Variants in TUSC3 observed in about 807,000 individuals in gnomAD.
The protein encoded by TUSC3 is dolichyl-diphosphooligosaccharide--protein glycosyltransferase subunit TUSC3.
Under a neutral mutation model 44.8 loss-of-function variants are expected in TUSC3, and 45 were observed. The observed-to-expected ratio is 1.00, with a 90% CI of 0.79 to 1.29. The LOEUF (loss-of-function observed/expected upper bound fraction) is 1.29. TUSC3 is among the 50% of genes most tolerant of loss of function. TUSC3 has a pLI of 0.00. For synonymous variants in TUSC3, 212 were observed against 152.9 expected, an observed-to-expected ratio of 1.39 and a Z score of -2.85; for missense variants, 519 against 437.9, an observed-to-expected ratio of 1.19 and a Z score of -1.65.
chr8:15,497,546 A>G (rs1330867896), intron 2 of TUSC3, among the ~76,000 whole-genome samples: 1 of 152,094 alleles, frequency 6.6e-6, no homozygotes, highest in South Asian at 2.1e-4. Context: ...AATTCTTCGG[A>G]GGGGTGGCAT....
the TUSC3 span, among the ~76,000 whole-genome samples, chr8:15,839,606 G>A: frequency 1.3e-5 from 2 of 152,196 alleles, no homozygotes; most frequent in Non-Finnish European, 2.9e-5. Context: ...CATTTATGCA[G>A]CCAACAGATA....
intron 1 of TUSC3, among the ~76,000 whole-genome samples, chr8:15,601,351 G>A (rs1804282281): frequency 6.6e-6 from 1 of 151,612 alleles, no homozygotes; most frequent in Non-Finnish European, 1.5e-5. Flanking sequence ...AGTAGAAATG[G>A]AAGGCCCAAG....
intron 2 of TUSC3, among the ~76,000 whole-genome samples, chr8:15,484,465 T>A (rs1175756334): frequency 1.3e-5 from 2 of 152,262 alleles, no homozygotes; most frequent in Admixed American, 1.3e-4. Flanking sequence ...GCCAGCACAG[T>A]GTAGGACATA....
intron 1 of TUSC3, among the ~76,000 whole-genome samples, chr8:15,420,350 T>G (rs1799723361): frequency 6.6e-6 from 1 of 151,796 alleles, no homozygotes; most frequent in African/African-American, 2.4e-5. Flanking sequence ...TAAAAAAAAA[T>G]TAGCCGGGCA....
intron 1 of TUSC3, among the ~76,000 whole-genome samples, chr8:15,549,322 C>T (rs760962544): frequency 1.2e-4 from 18 of 151,494 alleles, no homozygotes; most frequent in Non-Finnish European, 2.2e-4. Flanking sequence ...TACAGGCGCA[C>T]GCCACCACAT....
the TUSC3 span, among the ~76,000 whole-genome samples, chr8:15,836,215 C>G: frequency 1.3e-5 from 2 of 151,696 alleles, no homozygotes; most frequent in Non-Finnish European, 2.9e-5. Context: ...GTAGTACATG[C>G]CTGTAATCCC....
chr8:15,650,681 C>G lies in TUSC3; in HGVS notation c.309-16C>G, dbSNP rs748621047. On this transcript the variant is annotated splice_polypyrimidine_tract_variant and intron_variant, in intron 2 of 10. Coordinates refer to ENST00000503731, the MANE Select transcript of TUSC3 (RefSeq NM_006765.4). ...AGTACTGATGTGTTTCTACTATGGC[C>G]CATTATTCTTATCAGGCAAGCTAAT... 5 of 1,607,036 alleles carry G rather than the reference C, an allele frequency of 3.1e-6. No homozygotes were observed. Among genetic ancestry groups the G allele is most frequent in the African/African-American group, 1.3e-5 (1 of 74,756 alleles).
At chr8:15,499,636 T>G (rs1000952406) in intron 2 of TUSC3, among the ~76,000 whole-genome samples, 4 of 152,212 alleles carry the variant, frequency 2.6e-5, no homozygotes, top group African/African-American at 9.6e-5. Context: ...TCAACTTCAC[T>G]GGTCCACGGG....
At position 15,510,618 on chromosome 8, in the gene TUSC3, C is replaced by G. The variant is rs528942671; in HGVS notation, n.189+27135C>G. Among the ~76,000 whole-genome samples, 14 of 152,168 alleles carry G rather than the reference C, an allele frequency of 9.2e-5. No individual in the cohort carries two copies. In the East Asian group the frequency reaches 1.7e-3, roughly 19 times the overall value. The stretch of plus-strand genomic sequence containing the variant: ...AAAAACCTTCCCACACAGAAAACTC[C>G]AGGCCCAGATGGCTCTCTTGATAAA... On this transcript the variant is annotated intron_variant and non_coding_transcript_variant, in intron 2 of 5. Coordinates refer to the TUSC3 transcript ENST00000503191.
intron 6 of TUSC3, among the ~76,000 whole-genome samples, chr8:15,713,865 G>A (rs568031579): frequency 6.6e-6 from 1 of 152,224 alleles, no homozygotes; most frequent in East Asian, 1.9e-4. Flanking sequence ...GCCTCTAACA[G>A]AGCAATAATA....
the TUSC3 span, among the ~76,000 whole-genome samples, chr8:15,811,772 G>C: frequency 6.6e-6 from 1 of 152,126 alleles, no homozygotes; most frequent in Non-Finnish European, 1.5e-5. Context: ...ATATAGTAAA[G>C]GTTAAAAGAA....
intron 1 of TUSC3, among the ~76,000 whole-genome samples, chr8:15,457,267 G>A (rs1471563340): frequency 1.3e-5 from 2 of 151,868 alleles, no homozygotes; most frequent in Non-Finnish European, 2.9e-5. Flanking sequence ...GTATACATAT[G>A]TAACAAACCT....
chr8:15,786,941 CA>C, the TUSC3 span, among the ~76,000 whole-genome samples: 18,041 of 62,746 alleles, frequency 0.29, 672 homozygotes, highest in East Asian at 0.39. Flanking sequence ...GAGACTCCAT[CA>C]AAAAAAAAAA....
At chr8:15,682,078 C>T (rs546555088) in intron 6 of TUSC3, among the ~76,000 whole-genome samples, 2 of 152,032 alleles carry the variant, frequency 1.3e-5, no homozygotes, top group Non-Finnish European at 1.5e-5. Context: ...TACTTTGTGA[C>T]CAAGGATGTG....
intron 1 of TUSC3, among the ~76,000 whole-genome samples, chr8:15,476,860 A>T (rs562308630): frequency 6.6e-6 from 1 of 152,342 alleles, no homozygotes; most frequent in South Asian, 2.1e-4. Flanking sequence ...AAAGTTTTTC[A>T]CAACCAATGA....
chr8:15,610,002 T>C (rs922102656), intron 1 of TUSC3, among the ~76,000 whole-genome samples: 2 of 152,160 alleles, frequency 1.3e-5, no homozygotes, highest in Non-Finnish European at 2.9e-5. Flanking sequence ...ATTATTATGC[T>C]CTTTATTTCC....
chr8:15,842,207 C>G, the TUSC3 span, among the ~76,000 whole-genome samples: 1 of 152,084 alleles, frequency 6.6e-6, no homozygotes, highest in Non-Finnish European at 1.5e-5. Context: ...GAAGCTACAT[C>G]CTAAGAGAAC....
intron 8 of TUSC3, 37 bp from the exon 9 acceptor site, chr8:15,748,337 AT>A: frequency 1.3e-6 from 2 of 1,490,758 alleles, no homozygotes; most frequent in Non-Finnish European, 1.9e-6. Context: ...TCATTTGCAT[AT>A]TTTTAGACAC....
At chr8:15,804,675 G>C in the TUSC3 span, among the ~76,000 whole-genome samples, 2 of 152,032 alleles carry the variant, frequency 1.3e-5, no homozygotes, top group Non-Finnish European at 2.9e-5. Flanking sequence ...TGTTCCATTG[G>C]TCTATGTGTC....
Sources: gnomAD v4.1 joint callset for allele counts (sites outside exome capture counted in the v4.1 genomes callset) on GRCh38, gnomAD v4.1.1 for gene constraint, MANE v1.5 for transcripts, NCBI Gene and HGNC (gene_info 2026-07-23, HGNC 2026-07-21) for gene names.